The following SEMA3A variants were observed in gnomAD, a reference collection of about 807,000 sequenced individuals.
SEMA3A encodes the protein semaphorin 3A, also known as semaphorin-3A.
A neutral mutation model predicts 97.9 loss-of-function variants in SEMA3A; 29 were observed. The ratio of observed to expected loss-of-function variants is 0.30; its 90% CI spans 0.22 to 0.40. SEMA3A has a LOEUF of 0.40. Among genes scored for constraint, SEMA3A ranks in the 10% least tolerant of loss-of-function variants. SEMA3A has a pLI of 1.00. For synonymous variants in SEMA3A, 321 were observed against 323.7 expected (o/e 0.99, Z 0.09); for missense variants, 763 against 951.3 (o/e 0.80, Z 2.60).
chr7:84,370,039 G>T (rs909309306), intron 2 of SEMA3A, among the ~76,000 whole-genome samples: 1 of 151,288 alleles, frequency 6.6e-6, no homozygotes, highest in Non-Finnish European at 1.5e-5. Context: ...TTTTGGAATT[G>T]TGGATTGAAT....
At chr7:84,383,982 A>C (rs925806881) in intron 1 of SEMA3A, among the ~76,000 whole-genome samples, 3 of 152,198 alleles carry the variant, frequency 2.0e-5, no homozygotes, top group African/African-American at 7.2e-5. Context: ...GGCTAAACAC[A>C]AGTTCACTGC....
At chr7:84,348,526 A>G (rs1802359959) in intron 2 of SEMA3A, among the ~76,000 whole-genome samples, 1 of 152,228 alleles carries the variant, frequency 6.6e-6, no homozygotes, top group Admixed American at 6.5e-5. Flanking sequence ...TAGTAGTTAC[A>G]GTGTTGGGTA....
At chr7:84,447,601 G>C (rs1805451514) in intron 1 of SEMA3A, among the ~76,000 whole-genome samples, 1 of 152,110 alleles carries the variant, frequency 6.6e-6, no homozygotes, top group African/African-American at 2.4e-5. Flanking sequence ...GGACTCATTG[G>C]AATGACCTGC....
At chr7:84,149,331 T>C (rs1032929359) in intron 1 of SEMA3A, among the ~76,000 whole-genome samples, 4 of 152,354 alleles carry the variant, frequency 2.6e-5, no homozygotes, top group Admixed American at 6.5e-5. Context: ...TTGTCTACAA[T>C]TGGGTCATAT....
rs1375396328 is a variant in SEMA3A, at chr7:84,099,366, G to A, written c.453+11104C>T. On this transcript the variant is annotated intron_variant, in intron 4 of 16. Coordinates refer to ENST00000265362, the MANE Select transcript of SEMA3A (RefSeq NM_006080.3). ...ATTACAGGCGTGAGCCACCGCGCCC[G>A]GCCTTGAATTTTTTTTAAAAGAAAA... 3.6e-5 allele frequency among the ~76,000 whole-genome samples: 2 copies of A among 54,898 alleles called. 1 individual carries two copies. Among genetic ancestry groups the A allele is most frequent in the East Asian group, 1.6e-3 (2 of 1,280 alleles). 36.0% of individuals were successfully genotyped at this position (54,898 alleles called of 152,430 possible).
At chr7:84,299,256 A>C (rs181125701) in intron 3 of SEMA3A, among the ~76,000 whole-genome samples, 7 of 138,488 alleles carry the variant, frequency 5.1e-5, no homozygotes, top group African/African-American at 1.3e-4. Flanking sequence ...ATATATATAT[A>C]TATCTCCATA....
chr7:84,204,621 G>A (rs990560855), intron 3 of SEMA3A, among the ~76,000 whole-genome samples: 5 of 152,204 alleles, frequency 3.3e-5, no homozygotes, highest in Non-Finnish European at 7.3e-5. Flanking sequence ...TGAAAGAGAG[G>A]AGGATCTAGG....
chr7:84,165,713 C>G (rs1436902086), intron 1 of SEMA3A, among the ~76,000 whole-genome samples: 1 of 151,910 alleles, frequency 6.6e-6, no homozygotes, highest in Non-Finnish European at 1.5e-5. Context: ...CCACCATACC[C>G]GGCTAATTTT....
chr7:84,475,815 T>C (rs1562959646), intron 1 of SEMA3A, among the ~76,000 whole-genome samples: 1 of 152,186 alleles, frequency 6.6e-6, no homozygotes, highest in South Asian at 2.1e-4. Context: ...TTATTCCCTA[T>C]AGAATAGTCT....
At chr7:84,346,773 C>G (rs763350246) in intron 2 of SEMA3A, among the ~76,000 whole-genome samples, 3 of 152,046 alleles carry the variant, frequency 2.0e-5, no homozygotes, top group African/African-American at 4.8e-5. Flanking sequence ...TCAAGAATTA[C>G]CAAAGTGTGA....
At chr7:84,008,262 C>CTTT in intron 9 of SEMA3A, among the ~76,000 whole-genome samples, 1 of 152,146 alleles carries the variant, frequency 6.6e-6, no homozygotes. Flanking sequence ...GAGGCCAAGG[C>CTTT]GGGCGGATCA....
intron 1 of SEMA3A, among the ~76,000 whole-genome samples, chr7:84,422,712 A>T (rs975141201): frequency 5.9e-5 from 9 of 152,022 alleles, no homozygotes; most frequent in Non-Finnish European, 4.4e-5. Context: ...CTGGTACATT[A>T]TGTCTTTGTT....
intron 1 of SEMA3A, among the ~76,000 whole-genome samples, chr7:84,433,154 GC>G (rs1164861750): frequency 1.3e-5 from 2 of 151,694 alleles, no homozygotes; most frequent in Non-Finnish European, 2.9e-5. Context: ...GTATACATGT[GC>G]CATGGTGGTT....
At position 84,303,705 on chromosome 7, in the gene SEMA3A, T is replaced by C. The variant is rs113650507; in HGVS notation, c.-83+3502A>G. ...ACCCATACAACCATTCTGTTTGTCATTTTCAGTACAATATTCAATAAATTA... is the reference window on the plus strand; with the variant it reads ...ACCCATACAACCATTCTGTTTGTCACTTTCAGTACAATATTCAATAAATTA... On this transcript the variant is annotated intron_variant, in intron 3 of 3. Coordinates refer to the SEMA3A transcript ENST00000424555. 3.3e-5 allele frequency among the ~76,000 whole-genome samples: 5 copies of C among 152,284 alleles called. 1 individual carries two copies. Among genetic ancestry groups the C allele is most frequent in the African/African-American group, 1.2e-4 (5 of 41,570 alleles).
intron 2 of SEMA3A, among the ~76,000 whole-genome samples, chr7:84,327,717 T>G (rs1249150234): frequency 1.3e-5 from 2 of 152,118 alleles, no homozygotes; most frequent in East Asian, 3.9e-4. Flanking sequence ...AGCTCCAATT[T>G]TATAACTTTC....
chr7:84,109,155 T>G (rs1002546958), intron 4 of SEMA3A, among the ~76,000 whole-genome samples: 1 of 152,244 alleles, frequency 6.6e-6, no homozygotes, highest in African/African-American at 2.4e-5. Flanking sequence ...AGAGAGTGAC[T>G]AAATCAGGTG....
intron 1 of SEMA3A, among the ~76,000 whole-genome samples, chr7:84,439,904 A>T (rs891958959): frequency 1.3e-5 from 2 of 152,194 alleles, no homozygotes; most frequent in East Asian, 1.9e-4. Context: ...CAGGTTAAAA[A>T]TTTAATAAAC....
intron 3 of SEMA3A, among the ~76,000 whole-genome samples, chr7:84,282,274 T>A (rs567040992): frequency 6.6e-6 from 1 of 152,174 alleles, no homozygotes; most frequent in South Asian, 2.1e-4. Context: ...GTTGACTCTT[T>A]TTTGCATTTC....
At chr7:84,376,603 CAAAAAAAAAAAAAAAAAA>C (rs60380985) in intron 1 of SEMA3A, among the ~76,000 whole-genome samples, 1 of 36,434 alleles carries the variant, frequency 2.7e-5, no homozygotes, top group South Asian at 1.7e-3. Flanking sequence ...GACTCCGTCT[CAAAAAAAAAAAAAAAAAA>C]AAAAAAAAAA....
Sources: gnomAD v4.1 joint callset for allele counts (sites outside exome capture counted in the v4.1 genomes callset) on GRCh38, gnomAD v4.1.1 for gene constraint, MANE v1.5 for transcripts, NCBI Gene and HGNC (gene_info 2026-07-23, HGNC 2026-07-21) for gene names.